The following FBXW7 variants were observed in gnomAD, a reference collection of about 807,000 sequenced individuals.
The protein encoded by FBXW7 is F-box/WD repeat-containing protein 7.
A neutral mutation model predicts 86.3 loss-of-function variants in FBXW7; 11 were observed. The observed-to-expected ratio is 0.13, with a 90% CI of 0.08 to 0.21. The LOEUF (loss-of-function observed/expected upper bound fraction) is 0.21. Among genes scored for constraint, FBXW7 ranks in the 10% least tolerant of loss-of-function variants. The pLI is 1.00. For missense variants in FBXW7, 488 were observed against 847.4 expected (o/e 0.58, Z 5.27); for synonymous variants, 313 against 297.9 (o/e 1.05, Z -0.52).
At chr4:152,457,862 A>G (rs1229725285) in intron 2 of FBXW7, among the ~76,000 whole-genome samples, 1 of 152,008 alleles carries the variant, frequency 6.6e-6, no homozygotes, top group Non-Finnish European at 1.5e-5. Context: ...ATTTCTGGAT[A>G]GAAGGTAAGA....
chr4:152,437,602 G>A (rs770711170), intron 2 of FBXW7, among the ~76,000 whole-genome samples: 3 of 152,102 alleles, frequency 2.0e-5, no homozygotes, highest in Admixed American at 6.5e-5. Context: ...ATAAACCAGC[G>A]GCAGGATTTG....
chr4:152,486,348 T>G (rs1405976277), intron 2 of FBXW7, among the ~76,000 whole-genome samples: 1 of 152,222 alleles, frequency 6.6e-6, no homozygotes, highest in Non-Finnish European at 1.5e-5. Flanking sequence ...AACTTTTTAG[T>G]TTTTAAACTT....
chr4:152,474,653 G>A (rs1056238503), intron 2 of FBXW7, among the ~76,000 whole-genome samples: 2 of 152,016 alleles, frequency 1.3e-5, no homozygotes, highest in African/African-American at 4.8e-5. Context: ...TCTTTCAAAG[G>A]TCTTTTTAAA....
chr4:152,406,333 C>T (rs531249112), intron 4 of FBXW7, among the ~76,000 whole-genome samples: 7 of 152,010 alleles, frequency 4.6e-5, no homozygotes, highest in East Asian at 3.9e-4. Flanking sequence ...CGGTGGTCCA[C>T]GCCTGTAGTC....
intron 4 of FBXW7, among the ~76,000 whole-genome samples, chr4:152,396,815 C>G (rs964610237): frequency 6.6e-6 from 1 of 152,014 alleles, no homozygotes; most frequent in African/African-American, 2.4e-5. Flanking sequence ...AACTAGCAAA[C>G]ACACCACTAA....
intron 4 of FBXW7, among the ~76,000 whole-genome samples, chr4:152,379,804 A>G (rs1015395785): frequency 6.6e-6 from 1 of 152,212 alleles, no homozygotes; most frequent in Non-Finnish European, 1.5e-5. Context: ...AATTTATATA[A>G]TACATTAACT....
intron 4 of FBXW7, among the ~76,000 whole-genome samples, chr4:152,361,716 C>T (rs1414497783): frequency 2.0e-5 from 3 of 152,090 alleles, no homozygotes; most frequent in African/African-American, 7.2e-5. Flanking sequence ...TGGCTCACAC[C>T]TGTAATCCCA....
At chr4:152,356,747 AAACT>A (rs1732418076) in intron 4 of FBXW7, among the ~76,000 whole-genome samples, 1 of 152,210 alleles carries the variant, frequency 6.6e-6, no homozygotes, top group Non-Finnish European at 1.5e-5. Flanking sequence ...TAAAACTGGC[AAACT>A]AATAAACCTG....
intron 2 of FBXW7, among the ~76,000 whole-genome samples, chr4:152,464,626 T>C (rs909637843): frequency 4.6e-5 from 7 of 152,186 alleles, no homozygotes; most frequent in Admixed American, 6.5e-5. Flanking sequence ...GATGAAACTC[T>C]AGCAACGCTA....
intron 2 of FBXW7, among the ~76,000 whole-genome samples, chr4:152,453,888 C>T (rs541119543): frequency 6.6e-6 from 1 of 152,184 alleles, no homozygotes; most frequent in Admixed American, 6.5e-5. Flanking sequence ...TATACTGTCA[C>T]CTATATTTAA....
At chr4:152,374,549 GAC>G (rs1560821008) in intron 4 of FBXW7, among the ~76,000 whole-genome samples, 1 of 152,012 alleles carries the variant, frequency 6.6e-6, no homozygotes, top group Non-Finnish European at 1.5e-5. Context: ...AAGTTTAACA[GAC>G]ACTTCAATGA....
intron 2 of FBXW7, among the ~76,000 whole-genome samples, chr4:152,534,245 AT>A (rs745316189): frequency 1.3e-5 from 2 of 149,936 alleles, no homozygotes; most frequent in Non-Finnish European, 3.0e-5. Context: ...AAGTGCTGTA[AT>A]TTGTTACTCT....
intron 4 of FBXW7, among the ~76,000 whole-genome samples, chr4:152,375,111 T>C (rs916064154): frequency 2.0e-5 from 3 of 151,836 alleles, no homozygotes; most frequent in Non-Finnish European, 2.9e-5. Flanking sequence ...CAAACCAGGA[T>C]TGGGGCTAAA....
chr4:152,508,970 C>A (rs546995255), intron 2 of FBXW7, among the ~76,000 whole-genome samples: 1 of 152,098 alleles, frequency 6.6e-6, no homozygotes, highest in African/African-American at 2.4e-5. Flanking sequence ...TATTCTTAAT[C>A]AAAAATGCTT....
intron 5 of FBXW7, among the ~76,000 whole-genome samples, chr4:152,347,505 A>T (rs1318479772): frequency 6.6e-6 from 1 of 152,178 alleles, no homozygotes; most frequent in Non-Finnish European, 1.5e-5. Context: ...TCAGACATAG[A>T]AATACTATGT....
intron 2 of FBXW7, among the ~76,000 whole-genome samples, chr4:152,513,474 T>A (rs896040287): frequency 6.6e-6 from 1 of 152,142 alleles, no homozygotes; most frequent in Non-Finnish European, 1.5e-5. Flanking sequence ...AATACATAAA[T>A]TTAAACAAAG....
chr4:152,530,298 T>C (rs537395937), intron 2 of FBXW7: 4 of 152,306 alleles, frequency 2.6e-5, no homozygotes, highest in South Asian at 2.1e-4. Context: ...CTTTAATAGA[T>C]AGCAGTATCA....
intron 4 of FBXW7, among the ~76,000 whole-genome samples, chr4:152,396,674 A>G (rs1736442311): frequency 2.0e-5 from 3 of 152,042 alleles, no homozygotes. Flanking sequence ...TGCACCAGCT[A>G]TATTATGCTA....
At chr4:152,417,592 A>G (rs1738555952) in intron 2 of FBXW7, among the ~76,000 whole-genome samples, 1 of 152,100 alleles carries the variant, frequency 6.6e-6, no homozygotes, top group African/African-American at 2.4e-5. Flanking sequence ...GGAATAATCC[A>G]TATAGTAAAG....
Sources: allele counts gnomAD v4.1 joint callset (sites outside exome capture counted in the v4.1 genomes callset), GRCh38; gene constraint gnomAD v4.1.1; transcripts MANE v1.5; gene names NCBI Gene and HGNC (gene_info 2026-07-23, HGNC 2026-07-21).